Variants in PRDM2 observed in about 807,000 individuals in gnomAD.
The protein encoded by PRDM2 is PR/SET domain 2.
In PRDM2, 30 loss-of-function variants were observed where a neutral mutation model predicts 130.0. The observed-to-expected ratio is 0.23, with a 90% CI of 0.17 to 0.31. PRDM2 has a LOEUF of 0.31. Ranked by LOEUF, PRDM2 falls within the 10% of genes least tolerant of loss-of-function variation. The pLI is 1.00. For missense variants in PRDM2, 2,011 were observed against 2,108.4 expected, an observed-to-expected ratio of 0.95 and a Z score of 0.90; for synonymous variants, 871 against 782.4, an observed-to-expected ratio of 1.11 and a Z score of -1.89.
intron 8 of PRDM2, among the ~76,000 whole-genome samples, chr1:13,794,199 C>G (rs1644886217): frequency 6.6e-6 from 1 of 152,182 alleles, no homozygotes; most frequent in Admixed American, 6.5e-5. Context: ...GGCATTGGCT[C>G]TGGACCTGGA....
intron 8 of PRDM2, among the ~76,000 whole-genome samples, chr1:13,796,766 A>G (rs910179012): frequency 3.9e-5 from 6 of 152,164 alleles, no homozygotes; most frequent in Non-Finnish European, 8.8e-5. Flanking sequence ...AAAGCCAAAA[A>G]CCAAAACACA....
At chr1:13,741,716 A>C (rs1386505749) in intron 4 of PRDM2, among the ~76,000 whole-genome samples, 1 of 60,744 alleles carries the variant, frequency 1.6e-5, no homozygotes, top group Non-Finnish European at 3.0e-5. Flanking sequence ...ATAGCTCTTT[A>C]AGTTTGTGTG....
At chr1:13,808,184 C>T (rs1416481362) in intron 8 of PRDM2, among the ~76,000 whole-genome samples, 1 of 152,190 alleles carries the variant, frequency 6.6e-6, no homozygotes, top group South Asian at 2.1e-4. Flanking sequence ...CTACACTCCC[C>T]TGCTTTCTAA....
At chr1:13,726,469 A>G (rs1198168654) in intron 2 of PRDM2, among the ~76,000 whole-genome samples, 1 of 152,086 alleles carries the variant, frequency 6.6e-6, no homozygotes, top group African/African-American at 2.4e-5. Flanking sequence ...CTTCATGAGG[A>G]GGGGGTCCTA....
At chr1:13,723,393 A>T (rs1642797577) in intron 2 of PRDM2, among the ~76,000 whole-genome samples, 1 of 152,212 alleles carries the variant, frequency 6.6e-6, no homozygotes, top group Non-Finnish European at 1.5e-5. Context: ...GCGCTGCTCC[A>T]GCACATGGAC....
intron 4 of PRDM2, among the ~76,000 whole-genome samples, chr1:13,740,783 C>T (rs936313236): frequency 6.6e-6 from 1 of 152,128 alleles, no homozygotes; most frequent in African/African-American, 2.4e-5. Context: ...AGGAAGAAGG[C>T]AGTGTTAGGG....
At chr1:13,716,786 TG>T (rs1360043483) in intron 2 of PRDM2, among the ~76,000 whole-genome samples, 3 of 152,218 alleles carry the variant, frequency 2.0e-5, no homozygotes, top group Admixed American at 6.5e-5. Flanking sequence ...GTGTCAGAAA[TG>T]TTTTCTTTTT....
At chr1:13,717,926 A>C (rs915534332) in intron 2 of PRDM2, among the ~76,000 whole-genome samples, 2 of 152,184 alleles carry the variant, frequency 1.3e-5, no homozygotes, top group African/African-American at 2.4e-5. Flanking sequence ...ATCTTTTGTT[A>C]TATTTTCATT....
chr1:13,758,446 C>T (rs76129174), intron 6 of PRDM2, among the ~76,000 whole-genome samples: 1 of 73,842 alleles, frequency 1.4e-5, no homozygotes, highest in Non-Finnish European at 3.0e-5. Context: ...GACTTTGTCT[C>T]AAAAAAAAAA....
chr1:13,724,653 C>G (rs1642850018), intron 2 of PRDM2, among the ~76,000 whole-genome samples: 1 of 152,058 alleles, frequency 6.6e-6, no homozygotes, highest in African/African-American at 2.4e-5. Context: ...CACCACCATA[C>G]TCAGCTAATT....
intron 8 of PRDM2, among the ~76,000 whole-genome samples, chr1:13,815,200 G>A (rs1335521295): frequency 2.0e-5 from 3 of 152,080 alleles, no homozygotes; most frequent in African/African-American, 4.8e-5. Flanking sequence ...TCTGCCTCCC[G>A]GGTTCAAGCG....
At chr1:13,809,385 G>A (rs911198950) in intron 8 of PRDM2, among the ~76,000 whole-genome samples, 8 of 152,260 alleles carry the variant, frequency 5.3e-5, no homozygotes, top group South Asian at 2.1e-4. Context: ...GAAGGAAGGC[G>A]GACTCGATGG....
rs545283679 is a variant in PRDM2, at chr1:13,708,632, A to C, written c.-65-6909A>C. Among the ~76,000 whole-genome samples the C allele has an allele frequency of 4.6e-5, 7 of 152,326 alleles. No homozygotes were observed. The South Asian group carries it at 1.4e-3, about 32-fold the overall frequency. ...GTCTGTCGTGTTCTAGGCCTCACTGAGGAAACTGATCATTGAAATGGGAGA... is the reference window on the plus strand; with the variant it reads ...GTCTGTCGTGTTCTAGGCCTCACTGCGGAAACTGATCATTGAAATGGGAGA... On this transcript the variant is annotated intron_variant, in intron 1 of 9. Transcript: ENST00000311066.
chr1:13,780,750 G>A lies in PRDM2; in HGVS notation c.2955G>A (p.Pro985=), dbSNP rs1350054650. The A allele has an allele frequency of 4.1e-6, 6 of 1,473,362 alleles. No individual in the cohort carries two copies. Among genetic ancestry groups the A allele is most frequent in the East Asian group, 4.8e-5 (2 of 41,734 alleles). 91.3% of individuals were successfully genotyped at this position (1,473,362 alleles called of 1,614,324 possible). A position where few individuals can be genotyped will look rare whatever the true frequency, so the allele number is the denominator to read the frequency against. The change falls in exon 8 of 10, where the codon CCG becomes CCA. Residue 985 remains proline, a synonymous_variant. Transcript: ENST00000311066. ...CCCCGGTATTAACTGTTGCCACTCC[G>A]CCCCCTCCCCTCCTTCCTACCGTAC... is the stretch of plus-strand genomic sequence containing the variant. ...PCPPVLTVAT[P]PPPLLPTVPL... is the part of the protein sequence containing the mutation.
intron 5 of PRDM2, among the ~76,000 whole-genome samples, chr1:13,749,134 G>C (rs1643712300): frequency 6.6e-6 from 1 of 151,998 alleles, no homozygotes; most frequent in Non-Finnish European, 1.5e-5. Flanking sequence ...GGCCTTCCGC[G>C]CCCCTCGCCC....
At chr1:13,791,638 A>G (rs1644841068) in intron 8 of PRDM2, among the ~76,000 whole-genome samples, 1 of 152,224 alleles carries the variant, frequency 6.6e-6, no homozygotes, top group Non-Finnish European at 1.5e-5. Context: ...TTTTTAAAGT[A>G]TAGGATTAGA....
Position 13,732,876 on chromosome 1 carries a change from G to A in PRDM2, c.225G>A (p.Met75Ile). 6.4e-7 allele frequency: 1 copy of A among 1,556,860 alleles called. No homozygotes were observed. Among genetic ancestry groups the A allele is most frequent in the Non-Finnish European group, 8.8e-7 (1 of 1,139,680 alleles). ...CTCAGGTTAAGAATAATGTATACATGTGGGAGGTAAGAAGTAATTCTGATT... is the reference window on the plus strand; with the variant it reads ...CTCAGGTTAAGAATAATGTATACATATGGGAGGTAAGAAGTAATTCTGATT... ...KRSQVKNNVY[M>I]WEVYYPNLGW... The change falls in exon 4 of 10, where the codon ATG becomes ATA. Residue 75 changes from methionine (M) to isoleucine (I), a missense_variant. Physicochemically the swap from Met to Ile is conservative, Grantham distance 10 (BLOSUM62 1). Around this residue, in one of 5 missense-constraint regions of PRDM2, gnomAD observed 79 missense variants for 93.6 expected, o/e 0.84. Transcript: ENST00000311066.
intron 7 of PRDM2, among the ~76,000 whole-genome samples, chr1:13,776,466 C>T (rs902269505): frequency 4.6e-5 from 7 of 152,326 alleles, no homozygotes; most frequent in South Asian, 2.1e-4. Flanking sequence ...TTACAGCTTC[C>T]GTCTTTAAGA....
intron 2 of PRDM2, among the ~76,000 whole-genome samples, chr1:13,723,570 C>T (rs1325612556): frequency 6.6e-6 from 1 of 152,224 alleles, no homozygotes; most frequent in Non-Finnish European, 1.5e-5. Context: ...GAGTCTTCCC[C>T]AGCTTTGGTG....
Sources: allele counts gnomAD v4.1 joint callset (sites outside exome capture counted in the v4.1 genomes callset), GRCh38; gene constraint gnomAD v4.1.1; regional missense constraint gnomAD v4.1.1; transcripts MANE v1.5; gene names NCBI Gene and HGNC (gene_info 2026-07-23, HGNC 2026-07-21).